DMD: variants seen among roughly 807,000 people sequenced by gnomAD.
DMD encodes dystrophin.
A neutral mutation model predicts 330.1 loss-of-function variants in DMD; 63 were observed. The observed-to-expected ratio is 0.19, with a 90% confidence interval of 0.16 to 0.24. The LOEUF (loss-of-function observed/expected upper bound fraction) is 0.24, where lower values mean the gene tolerates loss of function less well. Ranked by LOEUF, DMD falls within the 10% of genes least tolerant of loss-of-function variation. The probability of loss-of-function intolerance (pLI) is 1.00; values close to 1 mark genes in which losing one functional copy is unlikely to be tolerated. For missense variants in DMD, 3,344 were observed against 2,684.1 expected, an observed-to-expected ratio of 1.25 and a Z score of -5.43; for synonymous variants, 1,223 against 959.8, an observed-to-expected ratio of 1.27 and a Z score of -5.07.
Position 32,935,837 on chromosome X carries a change from G to A in DMD, c.93+84302C>T, listed in dbSNP as rs767859342. Among the ~76,000 whole-genome samples, 46 of 111,211 alleles carry A rather than the reference G, an allele frequency of 4.1e-4. No individual in the cohort carries two copies. In the Admixed American group the frequency reaches 4.3e-3, roughly 10 times the overall value. On this transcript the variant is annotated intron_variant, in intron 2 of 78. Transcript: ENST00000357033. ...TCCTTATCCATTAACAGCTAAGGAA[G>A]GATCACTGTCGCCTCACCTTCCTTT...
At chrX:32,558,559 T>C (rs1319635190) in intron 16 of DMD, among the ~76,000 whole-genome samples, 1 of 111,571 alleles carries the variant, frequency 9.0e-6, no homozygotes, top group African/African-American at 3.3e-5. Flanking sequence ...AGGGATAGGA[T>C]GTTATTATCA....
Position 31,361,242 on chromosome X carries a change from C to T in DMD, c.9085-12608G>A, listed in dbSNP as rs144858449. Among the ~76,000 whole-genome samples, 768 of 111,203 alleles carry T rather than the reference C, an allele frequency of 6.9e-3. 8 individuals are homozygous for T. The highest frequency in any genetic ancestry group is 0.023 in the African/African-American group (710 of 30,239). ...GCTGGTTTGTTGAGGGTAACCCATA[C>T]GATTTTAATCATTTACCAGGACTTA... is the stretch of plus-strand genomic sequence containing the variant. On this transcript the variant is annotated intron_variant, in intron 60 of 78. Coordinates refer to ENST00000357033, the MANE Select transcript of DMD (RefSeq NM_004006.3).
intron 2 of DMD, among the ~76,000 whole-genome samples, chrX:32,859,682 T>A (rs2081928707): frequency 9.0e-6 from 1 of 111,531 alleles, no homozygotes; most frequent in Non-Finnish European, 1.9e-5. Flanking sequence ...GAGGATGCAC[T>A]TAGAAACTTG....
At chrX:32,298,925 A>G (rs2148520157) in intron 42 of DMD, among the ~76,000 whole-genome samples, 1 of 111,430 alleles carries the variant, frequency 9.0e-6, no homozygotes, top group Admixed American at 9.5e-5. Context: ...GTACAGGGAA[A>G]AAATTCAAGT....
intron 32 of DMD, among the ~76,000 whole-genome samples, chrX:32,387,373 C>T (rs191219724): frequency 9.0e-6 from 1 of 110,619 alleles, no homozygotes; most frequent in Non-Finnish European, 1.9e-5. Flanking sequence ...TACGTATACA[C>T]GTATATATAA....
intron 51 of DMD, among the ~76,000 whole-genome samples, chrX:31,743,001 C>CA (rs1310085884): frequency 9.0e-6 from 1 of 111,050 alleles, no homozygotes; most frequent in Non-Finnish European, 1.9e-5. Flanking sequence ...TTCAACAAGT[C>CA]AAAAACAAAT....
In DMD at chrX:32,557,424, T is replaced by C. The variant is rs903886209; in HGVS notation, c.1992+8278A>G. 2.7e-5 allele frequency among the ~76,000 whole-genome samples: 3 copies of C among 112,240 alleles called. No individual in the cohort carries two copies. The Admixed American group carries it at 2.8e-4, about 11-fold the overall frequency. On this transcript the variant is annotated intron_variant, in intron 16 of 78. Coordinates refer to ENST00000357033, the MANE Select transcript of DMD (RefSeq NM_004006.3). ...TATGTTTGGCTCTTGACATGCTATA[T>C]TGAAATCTGTGCAAAATTAGTCAAA...
chrX:31,317,755 C>T (rs2056138288), intron 62 of DMD, among the ~76,000 whole-genome samples: 1 of 111,333 alleles, frequency 9.0e-6, no homozygotes, highest in Non-Finnish European at 1.9e-5. Context: ...TCGTGATCTG[C>T]CTGCCTCAGC....
At chrX:32,584,661 TA>T (rs2054026647) in intron 13 of DMD, among the ~76,000 whole-genome samples, 1 of 112,028 alleles carries the variant, frequency 8.9e-6, no homozygotes, top group African/African-American at 3.2e-5. Context: ...AAAAGCCAGT[TA>T]AAAAACTGCA....
intron 54 of DMD, among the ~76,000 whole-genome samples, chrX:31,636,882 A>G (rs1365778116): frequency 4.5e-5 from 5 of 111,847 alleles, no homozygotes; most frequent in Admixed American, 1.9e-4. Context: ...AAGGCATTAC[A>G]GGCATTAATC....
chrX:31,259,928 T>C (rs1355101861), intron 63 of DMD, among the ~76,000 whole-genome samples: 1 of 111,298 alleles, frequency 9.0e-6, no homozygotes, highest in East Asian at 2.8e-4. Flanking sequence ...TCCAAAGAGA[T>C]CGCCTTATGT....
At chrX:31,988,290 G>A (rs928787410) in intron 44 of DMD, among the ~76,000 whole-genome samples, 8 of 108,602 alleles carry the variant, frequency 7.4e-5, no homozygotes, top group African/African-American at 2.7e-4. Context: ...GGCTAACACG[G>A]TGAAACTCCG....
Position 32,653,928 on chromosome X carries a change from T to C in DMD, c.961-8776A>G, listed in dbSNP as rs184827401. On this transcript the variant is annotated intron_variant, in intron 9 of 78. Coordinates refer to ENST00000357033, the MANE Select transcript of DMD (RefSeq NM_004006.3). ...TTATTCTCTTTGAAGCAATTGTGAA[T>C]GGAGTTCACTCATGATTTGCCTCTG... 7.1e-3 allele frequency among the ~76,000 whole-genome samples: 797 copies of C among 111,942 alleles called. 4 individuals carry two copies. The highest frequency in any genetic ancestry group is 0.023 in the Middle Eastern group (5 of 217).
intron 42 of DMD, among the ~76,000 whole-genome samples, chrX:32,306,000 C>A (rs1369071844): frequency 1.8e-5 from 2 of 110,292 alleles, no homozygotes; most frequent in Non-Finnish European, 3.8e-5. Context: ...TCAATTATAC[C>A]TACGTCTACC....
chrX:32,574,701 T>C (rs1047084654), intron 13 of DMD, among the ~76,000 whole-genome samples: 4 of 111,556 alleles, frequency 3.6e-5, no homozygotes, highest in African/African-American at 1.3e-4. Flanking sequence ...TCATAAAATA[T>C]TGACGTGCTT....
intron 44 of DMD, among the ~76,000 whole-genome samples, chrX:32,110,215 C>T (rs1400897577): frequency 9.0e-6 from 1 of 111,605 alleles, no homozygotes; most frequent in South Asian, 3.7e-4. Context: ...GAAGGTTTTG[C>T]CACTTTAAAT....
At chrX:31,862,422 C>T (rs776517929) in intron 48 of DMD, among the ~76,000 whole-genome samples, 86 of 111,274 alleles carry the variant, frequency 7.7e-4, no homozygotes, top group African/African-American at 2.6e-3. Context: ...TGAGCCATTG[C>T]GCCTGGCCTA....
At chrX:32,006,966 G>A (rs1361696959) in intron 44 of DMD, among the ~76,000 whole-genome samples, 2 of 102,979 alleles carry the variant, frequency 1.9e-5, no homozygotes, top group Non-Finnish European at 3.9e-5. Flanking sequence ...ACTATCGCAA[G>A]AACAAAAAAC....
chrX:32,014,544 G>A (rs1335056148), intron 44 of DMD, among the ~76,000 whole-genome samples: 1 of 111,332 alleles, frequency 9.0e-6, no homozygotes, highest in African/African-American at 3.3e-5. Context: ...ATTATGACCT[G>A]GGAAAAGTTG....
Sources: allele counts gnomAD v4.1 joint callset (sites outside exome capture counted in the v4.1 genomes callset), GRCh38; gene constraint gnomAD v4.1.1; transcripts MANE v1.5; gene names NCBI Gene and HGNC (gene_info 2026-07-23, HGNC 2026-07-21).